The following AGBL4 variants were observed in gnomAD, a reference collection of about 807,000 sequenced individuals.
AGBL4 encodes AGBL carboxypeptidase 4.
A neutral mutation model predicts 66.4 loss-of-function variants in AGBL4; 58 were observed. The ratio of observed to expected loss-of-function variants is 0.87; its 90% CI spans 0.71 to 1.09. The LOEUF (loss-of-function observed/expected upper bound fraction) is 1.09. AGBL4 is among the 50% of genes least tolerant of loss of function. The probability of loss-of-function intolerance (pLI) is 0.00; values close to 1 mark genes in which losing one functional copy is unlikely to be tolerated. For missense variants in AGBL4, 579 were observed against 631.0 expected (o/e 0.92, Z 0.88); for synonymous variants, 234 against 222.9 (o/e 1.05, Z -0.44).
At chr1:49,977,637 C>T (rs1271325875) in intron 1 of AGBL4, among the ~76,000 whole-genome samples, 1 of 152,166 alleles carries the variant, frequency 6.6e-6, no homozygotes, top group African/African-American at 2.4e-5. Flanking sequence ...CCATCAATTG[C>T]TTTAAATAAT....
At chr1:49,527,780 A>G (rs1433916780) in intron 3 of AGBL4, among the ~76,000 whole-genome samples, 2 of 152,080 alleles carry the variant, frequency 1.3e-5, no homozygotes, top group African/African-American at 4.8e-5. Context: ...ACTGCTAACC[A>G]TGAAATATGC....
At chr1:48,923,880 C>T (rs1257707392) in intron 5 of AGBL4, among the ~76,000 whole-genome samples, 1 of 152,020 alleles carries the variant, frequency 6.6e-6, no homozygotes, top group East Asian at 1.9e-4. Context: ...TATGAAGGAC[C>T]TATTGTCTTA....
chr1:48,565,805 G>A (rs938339587), intron 11 of AGBL4, among the ~76,000 whole-genome samples: 4 of 152,198 alleles, frequency 2.6e-5, no homozygotes, highest in Non-Finnish European at 5.9e-5. Flanking sequence ...GTTGAATTGG[G>A]GAAGCCGTCT....
chr1:49,098,119 C>T (rs907467024), intron 4 of AGBL4, among the ~76,000 whole-genome samples: 7 of 152,190 alleles, frequency 4.6e-5, no homozygotes, highest in African/African-American at 1.2e-4. Context: ...TACTTACTGA[C>T]TTACTGTGGT....
chr1:48,841,086 C>G (rs1227563140), intron 6 of AGBL4, among the ~76,000 whole-genome samples: 1 of 152,108 alleles, frequency 6.6e-6, no homozygotes, highest in Non-Finnish European at 1.5e-5. Context: ...TGATAGAGAA[C>G]AGATCAGTGT....
rs565952643 is a variant in AGBL4, at chr1:48,996,295, T to G, written c.594+49289A>C. ...TTGAAAATGTAGATATGGAACTCATTAGCATATAGTTGACATTTAAAGCTA... is the reference window on the plus strand; with the variant it reads ...TTGAAAATGTAGATATGGAACTCATGAGCATATAGTTGACATTTAAAGCTA... On this transcript the variant is annotated intron_variant, in intron 5 of 13. Transcript: ENST00000371839. Among the ~76,000 whole-genome samples the G allele has an allele frequency of 1.3e-3, 192 of 152,350 alleles. 2 individuals carry two copies. In the South Asian group the frequency reaches 0.019, roughly 15 times the overall value.
At chr1:49,992,320 C>T (rs995416003) in intron 1 of AGBL4, among the ~76,000 whole-genome samples, 17 of 149,792 alleles carry the variant, frequency 1.1e-4, no homozygotes, top group African/African-American at 3.2e-4. Context: ...TGCAGTGAGG[C>T]GAGACCGCGC....
chr1:49,191,519 C>T (rs1216945966), intron 4 of AGBL4, among the ~76,000 whole-genome samples: 1 of 152,206 alleles, frequency 6.6e-6, no homozygotes, highest in East Asian at 1.9e-4. Flanking sequence ...CATGAGTACA[C>T]TACTTGTCAC....
At chr1:48,854,419 T>G (rs1647099848) in intron 6 of AGBL4, among the ~76,000 whole-genome samples, 1 of 152,194 alleles carries the variant, frequency 6.6e-6, no homozygotes, top group East Asian at 1.9e-4. Context: ...AACCACCTGA[T>G]GATAAGTCCC....
chr1:49,134,491 C>G, intron 4 of AGBL4, among the ~76,000 whole-genome samples: 1 of 119,884 alleles, frequency 8.3e-6, no homozygotes, highest in African/African-American at 3.1e-5. Flanking sequence ...CCCCCCCCAC[C>G]CCAGGAATGC....
At chr1:49,595,215 A>C (rs1163046361) in intron 3 of AGBL4, among the ~76,000 whole-genome samples, 1 of 152,104 alleles carries the variant, frequency 6.6e-6, no homozygotes, top group Non-Finnish European at 1.5e-5. Context: ...CAGCCTCCTG[A>C]GTAGTTGGGA....
At chr1:49,526,928 A>C (rs1650704011) in intron 3 of AGBL4, among the ~76,000 whole-genome samples, 1 of 152,186 alleles carries the variant, frequency 6.6e-6, no homozygotes, top group Non-Finnish European at 1.5e-5. Context: ...GTCCAGCAGC[A>C]GCCAGATAAC....
intron 3 of AGBL4, among the ~76,000 whole-genome samples, chr1:49,696,254 C>T (rs1571346958): frequency 6.6e-6 from 1 of 152,114 alleles, no homozygotes; most frequent in Non-Finnish European, 1.5e-5. Context: ...TGATATCTTA[C>T]GATTTGAGTT....
At chr1:49,934,000 G>A (rs866846556) in intron 1 of AGBL4, among the ~76,000 whole-genome samples, 2 of 152,058 alleles carry the variant, frequency 1.3e-5, no homozygotes, top group Non-Finnish European at 2.9e-5. Flanking sequence ...AGTATATGTT[G>A]TCTACAAAAG....
intron 4 of AGBL4, among the ~76,000 whole-genome samples, chr1:49,121,291 T>G (rs749005629): frequency 1.3e-5 from 2 of 152,212 alleles, no homozygotes; most frequent in Non-Finnish European, 2.9e-5. Flanking sequence ...AGAGGCACTC[T>G]GGTTTGTAGA....
In AGBL4 at chr1:50,023,745, T is replaced by C; in HGVS notation, c.34+18A>G. 1 of 1,547,532 alleles carries C rather than the reference T, an allele frequency of 6.5e-7. No individual in the cohort carries two copies. Among genetic ancestry groups the C allele is most frequent in the Non-Finnish European group, 8.7e-7 (1 of 1,145,192 alleles). On this transcript the variant is annotated intron_variant, in intron 1 of 13. Coordinates refer to ENST00000371839, the MANE Select transcript of AGBL4 (RefSeq NM_032785.4). ...CCTGGCCGCCTCAGCCTTCCCCAGA[T>C]CGGCCGCCCCCACAGACCTGCCTCA...
intron 6 of AGBL4, among the ~76,000 whole-genome samples, chr1:48,670,172 A>G (rs1271379889): frequency 6.6e-6 from 1 of 152,196 alleles, no homozygotes; most frequent in East Asian, 1.9e-4. Flanking sequence ...GTGTCTTAAT[A>G]TGTCTTGGAC....
At chr1:49,700,173 A>G (rs1372954794) in intron 2 of AGBL4, among the ~76,000 whole-genome samples, 1 of 151,736 alleles carries the variant, frequency 6.6e-6, no homozygotes, top group Non-Finnish European at 1.5e-5. Context: ...TATTAATAAG[A>G]AAGCAAATGT....
chr1:49,618,122 C>T (rs1234386992), intron 3 of AGBL4, among the ~76,000 whole-genome samples: 1 of 152,126 alleles, frequency 6.6e-6, no homozygotes, highest in Non-Finnish European at 1.5e-5. Flanking sequence ...TTCTGTTCTT[C>T]TGTTAGTTTG....
Sources: gnomAD v4.1 joint callset for allele counts (sites outside exome capture counted in the v4.1 genomes callset) on GRCh38, gnomAD v4.1.1 for gene constraint, MANE v1.5 for transcripts, NCBI Gene and HGNC (gene_info 2026-07-23, HGNC 2026-07-21) for gene names.